Variants in HPS5 observed in about 807,000 individuals in gnomAD.
HPS5 encodes the protein HPS5 biogenesis of lysosomal organelles complex 2 subunit 2.
A neutral mutation model predicts 128.0 loss-of-function variants in HPS5; 83 were observed. That is an observed-to-expected ratio of 0.65 (90% CI 0.54 to 0.78). The LOEUF (loss-of-function observed/expected upper bound fraction) is 0.78, where lower values mean the gene tolerates loss of function less well. HPS5 is among the 30% of genes least tolerant of loss of function. HPS5 has a pLI of 0.00. For synonymous variants in HPS5, 475 were observed against 470.2 expected (o/e 1.01, Z -0.13); for missense variants, 1,281 against 1,326.2 (o/e 0.97, Z 0.53).
chr11:18,286,536 T>C, intron 19 of HPS5, 55 bp downstream of exon 19: 1 of 1,545,602 alleles, frequency 6.5e-7, no homozygotes. Context: ...AGTGAGATCC[T>C]GTCTCAAAAA....
chr11:18,317,218 G>A (rs551289880), intron 2 of HPS5, among the ~76,000 whole-genome samples: 1 of 148,642 alleles, frequency 6.7e-6, no homozygotes, highest in African/African-American at 2.5e-5. Flanking sequence ...AGTGATAAGA[G>A]ACTACTGTTT....
intron 16 of HPS5, 91 bp from the exon 17 acceptor site, chr11:18,288,104 C>T: frequency 6.4e-6 from 9 of 1,397,882 alleles, no homozygotes; most frequent in East Asian, 4.6e-5. Context: ...TCATTAGTCA[C>T]GTACCTACTG....
intron 1 of HPS5, among the ~76,000 whole-genome samples, chr11:18,318,824 C>T (rs972890511): frequency 9.9e-5 from 15 of 152,092 alleles, no homozygotes; most frequent in African/African-American, 2.7e-4. Flanking sequence ...CATATATATT[C>T]CATCACTCAT....
At chr11:18,298,079 TCATCTCA>T (rs1161934713) in intron 10 of HPS5, among the ~76,000 whole-genome samples, 1 of 144,572 alleles carries the variant, frequency 6.9e-6, no homozygotes, top group Non-Finnish European at 1.5e-5. Context: ...GAGTGAGACT[TCATCTCA>T]AAAAAAAAAA....
chr11:18,298,995 T>C lies in HPS5; in HGVS notation c.986-25A>G, dbSNP rs1459519191. ...TCTACGAAAACCACAGGTGTGAACA[T>C]ACAAAATGTTAACCAAATACCCCTT... On this transcript the variant is annotated intron_variant, in intron 9 of 22. Coordinates refer to ENST00000349215, the MANE Select transcript of HPS5 (RefSeq NM_181507.2). 8 of 1,609,098 alleles carry C rather than the reference T, an allele frequency of 5.0e-6. No individual in the cohort carries two copies. The African/African-American group carries it at 5.3e-5, about 11-fold the overall frequency.
At chr11:18,298,992 A>T in intron 9 of HPS5, 22 bp from the exon 10 acceptor site, 1 of 1,612,246 alleles carries the variant, frequency 6.2e-7, no homozygotes, top group Non-Finnish European at 8.5e-7. Flanking sequence ...ACAGGTGTGA[A>T]CATACAAAAT....
intron 16 of HPS5, among the ~76,000 whole-genome samples, chr11:18,289,530 G>T (rs1488137121): frequency 6.6e-6 from 1 of 151,684 alleles, no homozygotes; most frequent in Non-Finnish European, 1.5e-5. Context: ...TACCTGAGGA[G>T]AAATAGCTTG....
chr11:18,300,264 AATT>A (rs1336798059), intron 9 of HPS5, among the ~76,000 whole-genome samples: 2 of 152,180 alleles, frequency 1.3e-5, no homozygotes, highest in Non-Finnish European at 2.9e-5. Context: ...AAATATGTAC[AATT>A]ATTATGTGTC....
chr11:18,299,761 T>C (rs568231172), intron 9 of HPS5, among the ~76,000 whole-genome samples: 2 of 152,226 alleles, frequency 1.3e-5, no homozygotes, highest in South Asian at 2.1e-4. Flanking sequence ...CTCAGGGCAA[T>C]AGAGGGAAAA....
At chr11:18,297,160 T>C (rs937187885) in intron 11 of HPS5, among the ~76,000 whole-genome samples, 176 bp from the exon 12 acceptor site, 1 of 152,222 alleles carries the variant, frequency 6.6e-6, no homozygotes. Context: ...TCACTCCGTG[T>C]GCTAGTGGCA....
chr11:18,296,051 A>G lies in HPS5; in HGVS notation c.1582T>C (p.Leu528=), dbSNP rs145512270. Residue 528 remains leucine, a synonymous_variant, in exon 13 of 23, where the codon TTA becomes CTA. Transcript: ENST00000349215. ...NETFLPFGIP[L]PFRSPSPLVS... is the part of the protein sequence containing the mutation. ...AGAGGAGATGGAGAACGAAATGGTA[A>G]TGGAATGCCGAACGGGAGAAAAGTT... is the stretch of plus-strand genomic sequence containing the variant. The G allele has an allele frequency of 1.2e-6, 2 of 1,613,558 alleles. No individual in the cohort carries two copies. The highest frequency in any genetic ancestry group is 1.7e-6 in the Non-Finnish European group (2 of 1,179,546).
chr11:18,312,111 G>T, intron 2 of HPS5, 87 bp from the exon 3 acceptor site: 2 of 995,754 alleles, frequency 2.0e-6, no homozygotes, highest in Non-Finnish European at 1.6e-6. Context: ...GAGGATTTAT[G>T]CATCAGGCTC....
Position 18,297,733 on chromosome 11 carries a change from C to T in HPS5, c.1165-16G>A, listed in dbSNP as rs544266114. The T allele has an allele frequency of 3.0e-5, 48 of 1,610,176 alleles. No individual in the cohort carries two copies. The highest frequency in any genetic ancestry group is 2.3e-4 in the Admixed American group (14 of 60,004). ...TTTTTCTTGCCTAATAAAACAACAG[C>T]GCAATGGAATAGCTATTTGTAGGTA... On this transcript the variant is annotated splice_polypyrimidine_tract_variant and intron_variant, in intron 10 of 22. Coordinates refer to ENST00000349215, the MANE Select transcript of HPS5 (RefSeq NM_181507.2).
rs747634102 is a variant in HPS5, at chr11:18,306,289, A to G, written c.670T>C (p.Phe224Leu). The change falls in exon 7 of 23, where the codon TTT becomes CTT. Residue 224 changes from phenylalanine to leucine, a missense_variant. Physicochemically the swap from Phe to Leu is conservative, Grantham distance 22. Coordinates refer to ENST00000349215, the MANE Select transcript of HPS5 (RefSeq NM_181507.2). Reference protein sequence around the residue: ...ERDGEYGACFFPGRCSGGQQP... With the variant: ...ERDGEYGACFLPGRCSGGQQP... ...TGGCCCCCAGAACATCTTCCAGGAA[A>G]GAAACAAGCTCCATATTCTCCATCT... 6.2e-7 allele frequency: 1 copy of G among 1,614,214 alleles called. No homozygotes were observed. Among genetic ancestry groups the G allele is most frequent in the Non-Finnish European group, 8.5e-7 (1 of 1,180,022 alleles).
intron 22 of HPS5, chr11:18,280,539 T>C (rs1349101816): frequency 8.6e-6 from 6 of 698,708 alleles, no homozygotes; most frequent in Middle Eastern, 2.3e-4. Context: ...CTTTCAGGTA[T>C]ATACCCGAAA....
At chr11:18,286,904 A>G (rs1275921669) in intron 18 of HPS5, 194 bp from the exon 19 acceptor site, 8 of 618,746 alleles carry the variant, frequency 1.3e-5, no homozygotes, top group Non-Finnish European at 2.2e-5. Flanking sequence ...TCAAAGGGCC[A>G]AAAAAGAAAA....
chr11:18,305,362 CAG>C, intron 8 of HPS5, 58 bp downstream of exon 8: 1 of 1,123,016 alleles, frequency 8.9e-7, no homozygotes, highest in Non-Finnish European at 1.4e-6. Flanking sequence ...GAACAAGAAA[CAG>C]AGATAAAAAT....
chr11:18,287,706 A>G lies in HPS5; in HGVS notation c.2562-16T>C. 2 of 1,613,844 alleles carry G rather than the reference A, an allele frequency of 1.2e-6. No homozygotes were observed. Among genetic ancestry groups the G allele is most frequent in the Non-Finnish European group, 1.7e-6 (2 of 1,179,768 alleles). ...TTCATACAACCTGCATTTAAAAACAAAACACTTTAGTCTCTAATTTCAGTG... is the reference window on the plus strand; with the variant it reads ...TTCATACAACCTGCATTTAAAAACAGAACACTTTAGTCTCTAATTTCAGTG... On this transcript the variant is annotated splice_polypyrimidine_tract_variant and intron_variant, in intron 17 of 22. Transcript: ENST00000349215.
chr11:18,286,472 G>T, intron 19 of HPS5, 119 bp downstream of exon 19: 1 of 997,940 alleles, frequency 1.0e-6, no homozygotes, highest in East Asian at 2.6e-5. Flanking sequence ...AGCCTAGGAG[G>T]TCAAGGCTGC....
Sources: allele counts gnomAD v4.1 joint callset (sites outside exome capture counted in the v4.1 genomes callset), GRCh38; gene constraint gnomAD v4.1.1; transcripts MANE v1.5; gene names NCBI Gene and HGNC (gene_info 2026-07-23, HGNC 2026-07-21).